Variants in RANBP2 observed in about 807,000 individuals in gnomAD.
The protein encoded by RANBP2 is E3 SUMO-protein ligase RanBP2.
A neutral mutation model predicts 303.6 loss-of-function variants in RANBP2; 57 were observed. The observed-to-expected ratio is 0.19, with a 90% CI of 0.15 to 0.23. The LOEUF is 0.23. Ranked by LOEUF, RANBP2 falls within the 10% of genes least tolerant of loss-of-function variation. The pLI, the probability that RANBP2 is intolerant of heterozygous loss-of-function variation, is 1.00. For synonymous variants in RANBP2, 1,167 were observed against 1,301.5 expected (o/e 0.90, Z 2.23); for missense variants, 3,138 against 3,780.8 (o/e 0.83, Z 4.46).
the RANBP2 span, among the ~76,000 whole-genome samples, chr2:109,666,380 G>T: frequency 1.3e-5 from 2 of 152,086 alleles, no homozygotes; most frequent in African/African-American, 4.8e-5. Flanking sequence ...AGATAATATG[G>T]AATATTATTG....
At chr2:109,061,317 G>A in the RANBP2 span, among the ~76,000 whole-genome samples, 1 of 152,178 alleles carries the variant, frequency 6.6e-6, no homozygotes, top group African/African-American at 2.4e-5. Context: ...TTTTAGGTAA[G>A]TGTAAAAATA....
chr2:109,534,361 C>T, the RANBP2 span, among the ~76,000 whole-genome samples: 1 of 152,186 alleles, frequency 6.6e-6, no homozygotes, highest in African/African-American at 2.4e-5. Context: ...GTTCTAGGAT[C>T]CACCTGTTCT....
At chr2:109,052,987 G>T in the RANBP2 span, among the ~76,000 whole-genome samples, 3 of 152,194 alleles carry the variant, frequency 2.0e-5, no homozygotes, top group Non-Finnish European at 4.4e-5. Flanking sequence ...TGGGCATGGG[G>T]CGTCCCTTCC....
chr2:108,871,199 C>T, the RANBP2 span, among the ~76,000 whole-genome samples: 177 of 151,690 alleles, frequency 1.2e-3, no homozygotes, highest in Non-Finnish European at 1.4e-3. Flanking sequence ...TAGTATTCAA[C>T]AGGAAAAATA....
At chr2:108,755,640 G>A (rs1376809586) in intron 17 of RANBP2, among the ~76,000 whole-genome samples, 3 of 151,896 alleles carry the variant, frequency 2.0e-5, no homozygotes, top group African/African-American at 7.3e-5. Flanking sequence ...GAATCCTCCT[G>A]CTTCAGCCTC....
the RANBP2 span, among the ~76,000 whole-genome samples, chr2:109,374,454 C>T: frequency 6.4e-3 from 969 of 152,306 alleles, 10 homozygotes; most frequent in East Asian, 0.048. Flanking sequence ...CCTGGTGGAT[C>T]GGAAAGTCCT....
chr2:109,611,041 T>C, the RANBP2 span, among the ~76,000 whole-genome samples: 1 of 152,164 alleles, frequency 6.6e-6, no homozygotes, highest in South Asian at 2.1e-4. Flanking sequence ...CACACAAATA[T>C]GCTCAACTGA....
the RANBP2 span, among the ~76,000 whole-genome samples, chr2:109,114,311 C>G: frequency 1.3e-5 from 2 of 152,108 alleles, no homozygotes; most frequent in Non-Finnish European, 2.9e-5. Flanking sequence ...AATTTCAGAG[C>G]CTGTTATTGG....
At chr2:109,622,081 G>A in the RANBP2 span, among the ~76,000 whole-genome samples, 1 of 152,134 alleles carries the variant, frequency 6.6e-6, no homozygotes, top group Non-Finnish European at 1.5e-5. Context: ...AAGACTTTCA[G>A]GAAGCTTACT....
the RANBP2 span, among the ~76,000 whole-genome samples, chr2:109,237,566 C>T: frequency 2.8e-3 from 421 of 152,230 alleles, 4 homozygotes; most frequent in African/African-American, 9.7e-3. Context: ...AACACAAATT[C>T]GCAAACTTTC....
the RANBP2 span, among the ~76,000 whole-genome samples, chr2:109,133,040 T>G: frequency 6.6e-6 from 1 of 152,200 alleles, no homozygotes; most frequent in Non-Finnish European, 1.5e-5. Context: ...TAGGCACTAT[T>G]ATAGGTAAAC....
At chr2:109,060,095 A>C in the RANBP2 span, among the ~76,000 whole-genome samples, 110,464 of 151,980 alleles carry the variant, frequency 0.73, 40,447 homozygotes, top group East Asian at 0.93. Context: ...TGGAGTAAAT[A>C]CTTAGGATAC....
the RANBP2 span, among the ~76,000 whole-genome samples, chr2:109,135,971 A>G: frequency 1.3e-5 from 2 of 152,202 alleles, no homozygotes; most frequent in African/African-American, 4.8e-5. Flanking sequence ...GCTATCCTGA[A>G]AACGAGCCCA....
At chr2:108,839,133 A>T in the RANBP2 span, 51 of 1,518,364 alleles carry the variant, frequency 3.4e-5, no homozygotes, top group Non-Finnish European at 4.1e-5. Context: ...TTGATTTAAG[A>T]CATTTAAAAA....
At chr2:108,931,757 T>C in the RANBP2 span, among the ~76,000 whole-genome samples, 1 of 152,164 alleles carries the variant, frequency 6.6e-6, no homozygotes, top group South Asian at 2.1e-4. Flanking sequence ...TTTCACTTTC[T>C]GAATGGAGAC....
chr2:109,463,408 T>C, the RANBP2 span, among the ~76,000 whole-genome samples: 1 of 152,210 alleles, frequency 6.6e-6, no homozygotes, highest in Admixed American at 6.5e-5. Context: ...ACTTCCAGGT[T>C]TCCCAGTTCC....
the RANBP2 span, among the ~76,000 whole-genome samples, chr2:109,697,860 T>G: frequency 1.4e-5 from 2 of 142,680 alleles, no homozygotes; most frequent in Admixed American, 6.9e-5. Flanking sequence ...AGTCTAAAGT[T>G]TTTTTTTTTT....
At chr2:109,446,781 G>T in the RANBP2 span, among the ~76,000 whole-genome samples, 1 of 152,060 alleles carries the variant, frequency 6.6e-6, no homozygotes, top group African/African-American at 2.4e-5. Context: ...CTTCTTTGGT[G>T]CCTGGGATGA....
the RANBP2 span, among the ~76,000 whole-genome samples, chr2:109,002,017 ACT>A: frequency 6.6e-6 from 1 of 152,162 alleles, no homozygotes; most frequent in Admixed American, 6.5e-5. Context: ...GGCATGAGCC[ACT>A]GCGCCCAGCC....
Sources: allele counts gnomAD v4.1 joint callset (sites outside exome capture counted in the v4.1 genomes callset), GRCh38; gene constraint gnomAD v4.1.1; transcripts MANE v1.5; gene names NCBI Gene and HGNC (gene_info 2026-07-23, HGNC 2026-07-21).